Variants in UBR2 observed in about 807,000 individuals in gnomAD.
UBR2 encodes the protein E3 ubiquitin-protein ligase UBR2.
Under a neutral mutation model 247.9 loss-of-function variants are expected in UBR2, and 92 were observed. The ratio of observed to expected loss-of-function variants is 0.37; its 90% CI spans 0.31 to 0.44. The LOEUF is 0.44. Ranked by LOEUF, UBR2 falls within the 20% of genes least tolerant of loss-of-function variation. The pLI, the probability that UBR2 is intolerant of heterozygous loss-of-function variation, is 1.00. For missense variants in UBR2, 1,613 were observed against 2,112.6 expected, an observed-to-expected ratio of 0.76 and a Z score of 4.64; for synonymous variants, 672 against 693.5, an observed-to-expected ratio of 0.97 and a Z score of 0.49.
chr6:42,642,596 T>C, intron 18 of UBR2, 115 bp downstream of exon 18: 1 of 797,290 alleles, frequency 1.3e-6, no homozygotes, highest in Non-Finnish European at 2.1e-6. Context: ...AGCCTAGCCC[T>C]GTCTCCTCAG....
At chr6:42,580,782 C>G (rs529726247) in intron 2 of UBR2, among the ~76,000 whole-genome samples, 55 of 152,200 alleles carry the variant, frequency 3.6e-4, no homozygotes, top group Non-Finnish European at 7.8e-4. Flanking sequence ...ACCTCGTGAT[C>G]TGCCCACCTC....
intron 34 of UBR2, among the ~76,000 whole-genome samples, chr6:42,669,243 G>A (rs967478727): frequency 2.6e-5 from 4 of 152,130 alleles, no homozygotes; most frequent in Non-Finnish European, 5.9e-5. Flanking sequence ...TGTTACTTCT[G>A]AAAACTGTAA....
chr6:42,587,008 C>T (rs749876753), intron 2 of UBR2, among the ~76,000 whole-genome samples: 27 of 151,428 alleles, frequency 1.8e-4, no homozygotes, highest in Admixed American at 3.3e-4. Flanking sequence ...TTAGTAGAGA[C>T]GGGGTTTCAC....
At chr6:42,665,699 C>T (rs1042961417) in intron 33 of UBR2, among the ~76,000 whole-genome samples, 187 bp downstream of exon 33, 2 of 152,092 alleles carry the variant, frequency 1.3e-5, no homozygotes, top group Admixed American at 1.3e-4. Context: ...CACACAAGCT[C>T]ATGTGAAGTT....
intron 2 of UBR2, among the ~76,000 whole-genome samples, chr6:42,578,438 T>C (rs577355066): frequency 1.3e-5 from 2 of 152,274 alleles, no homozygotes; most frequent in Admixed American, 1.3e-4. Flanking sequence ...GTAATTCTCC[T>C]AAGTCTCAGG....
intron 1 of UBR2, among the ~76,000 whole-genome samples, chr6:42,565,050 T>G (rs1790697422): frequency 1.3e-5 from 2 of 151,830 alleles, no homozygotes; most frequent in African/African-American, 4.8e-5. Context: ...TTTCTAGGAG[T>G]TAGGGGTAAT....
intron 4 of UBR2, among the ~76,000 whole-genome samples, chr6:42,601,283 T>A (rs1309876018): frequency 6.6e-6 from 1 of 152,162 alleles, no homozygotes; most frequent in Non-Finnish European, 1.5e-5. Context: ...CTTGTTTGAA[T>A]CCCCAGGAGG....
At chr6:42,602,962 A>T (rs1391820737) in intron 4 of UBR2, among the ~76,000 whole-genome samples, 1 of 152,184 alleles carries the variant, frequency 6.6e-6, no homozygotes, top group Non-Finnish European at 1.5e-5. Flanking sequence ...AATTACCTTG[A>T]TTAAACATAG....
At chr6:42,634,559 A>G (rs562725977) in intron 13 of UBR2, among the ~76,000 whole-genome samples, 2 of 152,308 alleles carry the variant, frequency 1.3e-5, no homozygotes, top group African/African-American at 4.8e-5. Context: ...GGTTCAAGCA[A>G]TTCTTCTGCC....
At chr6:42,662,356 T>A in intron 31 of UBR2, 79 bp downstream of exon 31, 1 of 939,690 alleles carries the variant, frequency 1.1e-6, no homozygotes, top group Non-Finnish European at 1.6e-6. Flanking sequence ...AATTTCATTC[T>A]AGAAAAAAGG....
intron 11 of UBR2, among the ~76,000 whole-genome samples, chr6:42,631,070 C>T (rs962639675): frequency 6.6e-6 from 1 of 152,174 alleles, no homozygotes; most frequent in Non-Finnish European, 1.5e-5. Flanking sequence ...TCCCAAAGTG[C>T]TGGCGTTACA....
chr6:42,670,326 T>A, intron 35 of UBR2, 86 bp downstream of exon 35: 1 of 1,506,700 alleles, frequency 6.6e-7, no homozygotes, highest in Non-Finnish European at 9.0e-7. Context: ...AAATGAAATG[T>A]TTGAAGTGGG....
At position 42,603,608 on chromosome 6, in the gene UBR2, A is replaced by T. The variant is rs16895863; in HGVS notation, c.552A>T (p.Ser184=). Residue 184 remains serine, a synonymous_variant, in exon 5 of 47, where the codon TCA becomes TCT. Coordinates refer to ENST00000372901, the MANE Select transcript of UBR2 (RefSeq NM_001363705.2). ...TTCAGGATCCTCTTGTTCATTTATC[A>T]GAAGATGTGATAGCAAGAACTTATA... ...EEEEDPLVHL[S]EDVIARTYNI... is the part of the protein sequence containing the mutation. 0.21 allele frequency: 323,604 copies of T among 1,571,060 alleles called. 34,413 individuals are homozygous for T. The highest frequency in any genetic ancestry group is 0.24 in the African/African-American group (17,176 of 71,796).
rs190241781 is a variant in UBR2 at position 42,685,796 on chromosome 6, G to A, written c.4853+925G>A. ...GGAGGCTGAGGTGGGAGTATCACTC[G>A]AGCCCAGGAGATGGAGGCTGCAGTT... On this transcript the variant is annotated intron_variant, in intron 44 of 46. Coordinates refer to ENST00000372901, the MANE Select transcript of UBR2 (RefSeq NM_001363705.2). Among the ~76,000 whole-genome samples the A allele has an allele frequency of 1.4e-3, 214 of 151,834 alleles. 2 individuals carry two copies. The highest frequency in any genetic ancestry group is 4.3e-3 in the African/African-American group (177 of 41,404).
chr6:42,681,367 A>G (rs1002098051), intron 42 of UBR2, among the ~76,000 whole-genome samples: 2 of 152,136 alleles, frequency 1.3e-5, no homozygotes, highest in Admixed American at 6.5e-5. Context: ...CCCTGTATCA[A>G]AAGAAAAAAT....
At chr6:42,655,746 A>C (rs769343485) in intron 26 of UBR2, 23 bp downstream of exon 26, 2 of 1,332,266 alleles carry the variant, frequency 1.5e-6, no homozygotes, top group African/African-American at 3.1e-5. Flanking sequence ...CTTTTTACTA[A>C]ACTAACTCAA....
chr6:42,681,343 A>G (rs1197806114), intron 42 of UBR2, among the ~76,000 whole-genome samples: 4 of 152,052 alleles, frequency 2.6e-5, no homozygotes, highest in East Asian at 1.9e-4. Context: ...TCCAGCCTGG[A>G]TGACAGATCA....
chr6:42,671,100 G>A (rs567460763), intron 36 of UBR2, among the ~76,000 whole-genome samples: 12 of 151,076 alleles, frequency 7.9e-5, no homozygotes, highest in South Asian at 4.2e-4. Context: ...CAAGACAATC[G>A]CTTGAACCCG....
chr6:42,619,453 A>ATATATATATATATATATATAT, intron 11 of UBR2: 1 of 23,716 alleles, frequency 4.2e-5, no homozygotes. Flanking sequence ...ATATATATAT[A>ATATATATATATATATATATAT]TTTTTTTTTT....
Sources: allele counts gnomAD v4.1 joint callset (sites outside exome capture counted in the v4.1 genomes callset), GRCh38; gene constraint gnomAD v4.1.1; transcripts MANE v1.5; gene names NCBI Gene and HGNC (gene_info 2026-07-23, HGNC 2026-07-21).